UBE2E2: variants seen among roughly 807,000 people sequenced by gnomAD.
UBE2E2 encodes the protein ubiquitin conjugating enzyme E2 E2.
Under a neutral mutation model 24.7 loss-of-function variants are expected in UBE2E2, and 6 were observed. The observed-to-expected ratio is 0.24, with a 90% CI of 0.13 to 0.48. UBE2E2 has a LOEUF of 0.48. Ranked by LOEUF, UBE2E2 falls within the 20% of genes least tolerant of loss-of-function variation. The pLI, the probability that UBE2E2 is intolerant of heterozygous loss-of-function variation, is 0.99. For synonymous variants in UBE2E2, 104 were observed against 83.6 expected (o/e 1.24, Z -1.33); for missense variants, 169 against 245.0 (o/e 0.69, Z 2.07).
At chr3:23,251,377 C>G (rs1697570433) in intron 3 of UBE2E2, among the ~76,000 whole-genome samples, 2 of 152,160 alleles carry the variant, frequency 1.3e-5, no homozygotes, top group Non-Finnish European at 2.9e-5. Context: ...AATTGTGTAT[C>G]TCTTATTGTA....
At chr3:23,400,633 CA>C (rs1559372846) in intron 3 of UBE2E2, among the ~76,000 whole-genome samples, 2 of 134,170 alleles carry the variant, frequency 1.5e-5, no homozygotes, top group African/African-American at 5.3e-5. Context: ...CACACACACA[CA>C]CACACACATC....
At chr3:23,289,365 A>G (rs961714166) in intron 3 of UBE2E2, among the ~76,000 whole-genome samples, 3 of 152,252 alleles carry the variant, frequency 2.0e-5, no homozygotes, top group Non-Finnish European at 2.9e-5. Flanking sequence ...AAAACCAACA[A>G]TGATACCAGC....
At chr3:23,558,437 C>G (rs912344070) in intron 5 of UBE2E2, among the ~76,000 whole-genome samples, 1 of 152,088 alleles carries the variant, frequency 6.6e-6, no homozygotes, top group Non-Finnish European at 1.5e-5. Flanking sequence ...GCTTGATGCC[C>G]GAGTCTCAGA....
At chr3:23,579,324 G>A (rs1473562909) in intron 5 of UBE2E2, among the ~76,000 whole-genome samples, 1 of 150,710 alleles carries the variant, frequency 6.6e-6, no homozygotes, top group African/African-American at 2.5e-5. Context: ...GGTGGAGCTT[G>A]CAGTGAGCCA....
chr3:23,380,085 G>GAAA (rs1559367064), intron 3 of UBE2E2, among the ~76,000 whole-genome samples: 1 of 31,316 alleles, frequency 3.2e-5, no homozygotes, highest in African/African-American at 1.8e-4. Context: ...TTTGATTACT[G>GAAA]TAAAAAAAAA....
intron 3 of UBE2E2, among the ~76,000 whole-genome samples, chr3:23,224,353 T>C (rs1334240343): frequency 6.6e-6 from 1 of 151,954 alleles, no homozygotes; most frequent in Non-Finnish European, 1.5e-5. Context: ...TTTATAGTTT[T>C]CTTTGTATGA....
intron 3 of UBE2E2, among the ~76,000 whole-genome samples, chr3:23,480,979 C>A (rs952950340): frequency 6.6e-6 from 1 of 151,868 alleles, no homozygotes; most frequent in South Asian, 2.1e-4. Flanking sequence ...TTATTGTTTC[C>A]AATGATTTGG....
At chr3:23,576,845 A>G (rs1696358740) in intron 5 of UBE2E2, among the ~76,000 whole-genome samples, 1 of 152,146 alleles carries the variant, frequency 6.6e-6, no homozygotes, top group Middle Eastern at 3.2e-3. Flanking sequence ...ACAGAAAAGT[A>G]AACAGACAGC....
intron 4 of UBE2E2, among the ~76,000 whole-genome samples, chr3:23,507,511 T>C (rs1004305692): frequency 6.6e-6 from 1 of 152,236 alleles, no homozygotes; most frequent in African/African-American, 2.4e-5. Context: ...TAAATGCATG[T>C]AACTGTGCCC....
intron 3 of UBE2E2, among the ~76,000 whole-genome samples, chr3:23,270,673 A>C (rs1013694729): frequency 6.6e-6 from 1 of 152,184 alleles, no homozygotes. Context: ...GCCAAAAAAG[A>C]AGGAAATGGT....
At chr3:23,536,080 A>G (rs565339100) in intron 5 of UBE2E2, among the ~76,000 whole-genome samples, 1 of 152,354 alleles carries the variant, frequency 6.6e-6, no homozygotes, top group South Asian at 2.1e-4. Flanking sequence ...GTCATTATTT[A>G]ACACATAAAA....
chr3:23,408,019 T>C (rs78413668), intron 3 of UBE2E2, among the ~76,000 whole-genome samples: 15,434 of 152,006 alleles, frequency 0.1, 915 homozygotes, highest in East Asian at 0.13. Flanking sequence ...AAAAATACAA[T>C]GTCACTGAAG....
At chr3:23,505,317 C>T (rs546387412) in intron 4 of UBE2E2, among the ~76,000 whole-genome samples, 16 of 152,130 alleles carry the variant, frequency 1.1e-4, no homozygotes, top group Non-Finnish European at 2.4e-4. Context: ...ATAGGGGTAA[C>T]GCATTTTTAA....
chr3:23,327,041 T>G (rs57909730), intron 3 of UBE2E2, among the ~76,000 whole-genome samples: 27,312 of 152,206 alleles, frequency 0.18, 2,695 homozygotes, highest in Non-Finnish European at 0.22. Context: ...CCGTGGTGTT[T>G]ATGTGCCACA....
intron 3 of UBE2E2, among the ~76,000 whole-genome samples, chr3:23,447,122 T>A (rs1198976159): frequency 6.6e-6 from 1 of 152,214 alleles, no homozygotes; most frequent in Non-Finnish European, 1.5e-5. Flanking sequence ...TTTCAGTACT[T>A]ACAACAGTAG....
intron 3 of UBE2E2, among the ~76,000 whole-genome samples, chr3:23,365,315 G>C (rs976709161): frequency 6.6e-6 from 1 of 152,136 alleles, no homozygotes; most frequent in African/African-American, 2.4e-5. Flanking sequence ...GAGGAAGAGA[G>C]GAAGTCAAAC....
At chr3:23,553,195 G>A (rs1695690638) in intron 5 of UBE2E2, among the ~76,000 whole-genome samples, 1 of 151,984 alleles carries the variant, frequency 6.6e-6, no homozygotes, top group East Asian at 1.9e-4. Context: ...TGTTAATATA[G>A]CCCAAAATGC....
chr3:23,406,286 A>C (rs767823344), intron 3 of UBE2E2, among the ~76,000 whole-genome samples: 110 of 151,952 alleles, frequency 7.2e-4, no homozygotes, highest in Non-Finnish European at 1.4e-3. Context: ...TTTTATTTCC[A>C]CAAATAATGC....
intron 5 of UBE2E2, among the ~76,000 whole-genome samples, chr3:23,577,420 C>A (rs955968505): frequency 1.3e-5 from 2 of 151,778 alleles, no homozygotes; most frequent in Admixed American, 6.6e-5. Flanking sequence ...CTCCCTTAAG[C>A]CAAAGCCTAA....
Sources: allele counts gnomAD v4.1 joint callset (sites outside exome capture counted in the v4.1 genomes callset), GRCh38; gene constraint gnomAD v4.1.1; transcripts MANE v1.5; gene names NCBI Gene and HGNC (gene_info 2026-07-23, HGNC 2026-07-21).